Variants in LRRC7 observed in about 807,000 individuals in gnomAD.
LRRC7 encodes the protein leucine-rich repeat-containing protein 7.
A neutral mutation model predicts 175.7 loss-of-function variants in LRRC7; 23 were observed. The observed-to-expected ratio is 0.13, with a 90% CI of 0.09 to 0.19. The LOEUF (loss-of-function observed/expected upper bound fraction) is 0.19. Ranked by LOEUF, LRRC7 falls within the 10% of genes least tolerant of loss-of-function variation. The pLI is 1.00. For synonymous variants in LRRC7, 685 were observed against 680.9 expected (o/e 1.01, Z -0.09); for missense variants, 1,354 against 1,904.7 (o/e 0.71, Z 5.38).
chr1:69,833,680 A>T (rs112802236), intron 5 of LRRC7, among the ~76,000 whole-genome samples: 1 of 151,990 alleles, frequency 6.6e-6, no homozygotes, highest in Non-Finnish European at 1.5e-5. Context: ...AGAAGCAAAG[A>T]AGGAGAGAAC....
chr1:69,780,943 G>A (rs903380347), intron 3 of LRRC7, among the ~76,000 whole-genome samples: 23 of 152,084 alleles, frequency 1.5e-4, no homozygotes, highest in African/African-American at 4.8e-4. Flanking sequence ...TTGAAAATTC[G>A]CACACAACTA....
intron 1 of LRRC7, among the ~76,000 whole-genome samples, chr1:69,620,177 C>T (rs974653940): frequency 4.6e-5 from 7 of 152,126 alleles, no homozygotes; most frequent in African/African-American, 1.7e-4. Flanking sequence ...ATTCTTCTCA[C>T]TATTTTTTTC....
chr1:69,885,463 TC>T (rs1408026744), intron 7 of LRRC7, among the ~76,000 whole-genome samples: 3 of 143,264 alleles, frequency 2.1e-5, no homozygotes, highest in Middle Eastern at 6.9e-3. Flanking sequence ...GGTGGTGATA[TC>T]CCCTTTATCA....
intron 5 of LRRC7, among the ~76,000 whole-genome samples, chr1:69,828,958 A>G (rs1238227116): frequency 6.6e-6 from 1 of 152,022 alleles, no homozygotes; most frequent in Non-Finnish European, 1.5e-5. Flanking sequence ...AGGGTGACTG[A>G]AACTGATCTT....
At chr1:69,673,591 C>T (rs1659396200) in intron 1 of LRRC7, among the ~76,000 whole-genome samples, 1 of 152,138 alleles carries the variant, frequency 6.6e-6, no homozygotes, top group Admixed American at 6.6e-5. Flanking sequence ...CTATTTAATG[C>T]AAACTGTAGA....
intron 3 of LRRC7, among the ~76,000 whole-genome samples, chr1:69,781,735 G>GAAAGAAAGAAAGAA (rs774259601): frequency 2.8e-4 from 8 of 28,642 alleles, no homozygotes; most frequent in African/African-American, 4.7e-4. Flanking sequence ...AAGAAAGAAA[G>GAAAGAAAGAAAGAA]AGAGAGAGAG....
chr1:69,588,707 T>G (rs1646500591), intron 1 of LRRC7, among the ~76,000 whole-genome samples: 2 of 152,196 alleles, frequency 1.3e-5, no homozygotes, highest in Non-Finnish European at 2.9e-5. Context: ...TCAAATGAGA[T>G]AAATGAATGG....
intron 7 of LRRC7, among the ~76,000 whole-genome samples, chr1:69,846,894 AATGTT>A (rs1253710802): frequency 6.6e-6 from 1 of 152,086 alleles, no homozygotes; most frequent in East Asian, 1.9e-4. Context: ...TAAATGAAAT[AATGTT>A]ATTTTTAGTT....
chr1:69,698,896 C>T (rs1662966953), intron 2 of LRRC7, among the ~76,000 whole-genome samples: 1 of 152,096 alleles, frequency 6.6e-6, no homozygotes. Context: ...TTTTTCCTAC[C>T]TCACTCACCT....
intron 4 of LRRC7, among the ~76,000 whole-genome samples, chr1:69,813,304 A>T (rs10789303): frequency 0.5 from 76,053 of 151,830 alleles, 19,491 homozygotes; most frequent in East Asian, 0.75. Context: ...CAACTCTCTA[A>T]GTAGTGCTGA....
At chr1:69,731,866 T>C (rs933191791) in intron 2 of LRRC7, among the ~76,000 whole-genome samples, 1 of 152,212 alleles carries the variant, frequency 6.6e-6, no homozygotes, top group Non-Finnish European at 1.5e-5. Context: ...TACAAGATCT[T>C]GCTTATTATT....
At chr1:70,118,811 G>T (rs943850322) in intron 26 of LRRC7, among the ~76,000 whole-genome samples, 2 of 152,016 alleles carry the variant, frequency 1.3e-5, no homozygotes, top group African/African-American at 4.8e-5. Context: ...GAAGGTATTG[G>T]CAAGTAAGCT....
chr1:69,652,232 A>T (rs1226489335), intron 1 of LRRC7, among the ~76,000 whole-genome samples: 1 of 109,700 alleles, frequency 9.1e-6, no homozygotes, highest in African/African-American at 3.8e-5. Flanking sequence ...AGATGACATG[A>T]TGTTATACGT....
At chr1:70,017,682 A>C (rs558683176) in intron 14 of LRRC7, among the ~76,000 whole-genome samples, 12 of 152,308 alleles carry the variant, frequency 7.9e-5, no homozygotes, top group African/African-American at 2.9e-4. Flanking sequence ...TAACCTTTAC[A>C]AATTATAAAA....
At chr1:70,045,174 T>TAA (rs536150522) in intron 22 of LRRC7, among the ~76,000 whole-genome samples, 53 of 146,454 alleles carry the variant, frequency 3.6e-4, no homozygotes, top group Non-Finnish European at 5.9e-4. Context: ...ACCGTAACTT[T>TAA]AAAAAAAAAA....
intron 8 of LRRC7, among the ~76,000 whole-genome samples, chr1:69,978,502 T>C (rs1294662962): frequency 6.6e-6 from 1 of 152,246 alleles, no homozygotes; most frequent in Non-Finnish European, 1.5e-5. Flanking sequence ...CTGTTCCCTA[T>C]GATCTAAGTG....
chr1:69,954,065 T>C (rs1186309019), intron 8 of LRRC7, among the ~76,000 whole-genome samples: 1 of 152,046 alleles, frequency 6.6e-6, no homozygotes, highest in African/African-American at 2.4e-5. Flanking sequence ...TAGTAGTTTC[T>C]CAAACACTGT....
At chr1:69,907,895 C>T (rs559146926) in intron 7 of LRRC7, among the ~76,000 whole-genome samples, 44 of 148,416 alleles carry the variant, frequency 3.0e-4, no homozygotes, top group Admixed American at 6.6e-4. Context: ...TGGTCCTGGA[C>T]TCTTTTTGGT....
chr1:70,018,853 A>G (rs762303160), intron 15 of LRRC7, 35 bp downstream of exon 15: 1 of 1,480,250 alleles, frequency 6.8e-7, no homozygotes, highest in Non-Finnish European at 9.4e-7. Context: ...CTCTACTTAT[A>G]ATGATTATGG....
Sources: gnomAD v4.1 joint callset for allele counts (sites outside exome capture counted in the v4.1 genomes callset) on GRCh38, gnomAD v4.1.1 for gene constraint, MANE v1.5 for transcripts, NCBI Gene and HGNC (gene_info 2026-07-23, HGNC 2026-07-21) for gene names.